SHBG: variants seen among roughly 807,000 people sequenced by gnomAD.
SHBG encodes the protein sex hormone binding globulin, also known as sex hormone-binding globulin.
In SHBG, 37 loss-of-function variants were observed where a neutral mutation model predicts 41.9. The observed-to-expected ratio is 0.88, with a 90% CI of 0.68 to 1.16. SHBG has a LOEUF of 1.16. Ranked by LOEUF, SHBG falls within the 50% of genes most tolerant of loss-of-function variation. The pLI, the probability that SHBG is intolerant of heterozygous loss-of-function variation, is 0.00. For missense variants in SHBG, 466 were observed against 499.9 expected (o/e 0.93, Z 0.65); for synonymous variants, 217 against 205.8 (o/e 1.05, Z -0.47).
At chr17:7,625,604 CTG>C (rs1290589575), upstream of SHBG, among the ~76,000 whole-genome samples, 4 of 148,252 alleles carry the variant, frequency 2.7e-5, no homozygotes. Context: ...AAAGAAAAGA[CTG>C]TGGGCTGGGC....
At position 7,632,021 on chromosome 17, in the gene SHBG, G is replaced by C. The variant is rs1165146857; in HGVS notation, c.852+6G>C. 2 of 1,612,766 alleles carry C rather than the reference G, an allele frequency of 1.2e-6. No homozygotes were observed. The highest frequency in any genetic ancestry group is 1.7e-6 in the Non-Finnish European group (2 of 1,179,950). On this transcript the variant is annotated splice_donor_region_variant and intron_variant, in intron 6 of 7. Coordinates refer to ENST00000380450, the MANE Select transcript of SHBG (RefSeq NM_001040.5). ...GTCTCCACCTCCAAGATCAAGTAAAGGGGGACAGTGGGGCATTGCCTGTAT... is the reference window on the plus strand; with the variant it reads ...GTCTCCACCTCCAAGATCAAGTAAACGGGGACAGTGGGGCATTGCCTGTAT...
At chr17:7,614,598 C>T (rs2071926553) in intron 1 of SHBG, 1 of 1,051,060 alleles carries the variant, frequency 9.5e-7, no homozygotes, top group Non-Finnish European at 1.3e-6. Flanking sequence ...CGGGCCGGGC[C>T]AGGCCCCCGG....
upstream of SHBG, among the ~76,000 whole-genome samples, chr17:7,628,330 C>T (rs2072290989): frequency 6.6e-6 from 1 of 152,162 alleles, no homozygotes; most frequent in African/African-American, 2.4e-5. Flanking sequence ...GTGGCGCGAT[C>T]TCTGCTCACT....
At chr17:7,619,041 A>C (rs1476324959) in intron 1 of SHBG, among the ~76,000 whole-genome samples, 1 of 152,330 alleles carries the variant, frequency 6.6e-6, no homozygotes, top group East Asian at 1.9e-4. Context: ...TACAGGAAAG[A>C]AAAAGAATTG....
intron 1 of SHBG, among the ~76,000 whole-genome samples, chr17:7,619,049 T>C (rs1567758278): frequency 6.6e-6 from 1 of 152,126 alleles, no homozygotes; most frequent in South Asian, 2.1e-4. Context: ...AGAAAAAGAA[T>C]TGTAACTATC....
At chr17:7,631,092 C>T (rs2072393688) in intron 3 of SHBG, 108 bp from the exon 4 acceptor site, 1 of 1,196,016 alleles carries the variant, frequency 8.4e-7, no homozygotes, top group South Asian at 1.6e-5. Context: ...AGGATGCTAG[C>T]TGCTTCTTTA....
At chr17:7,626,934 GC>G, upstream of SHBG, 1 of 1,612,746 alleles carries the variant, frequency 6.2e-7, no homozygotes, top group Non-Finnish European at 8.5e-7. Flanking sequence ...CTCAGCTTCT[GC>G]CCAGTACCCC....
upstream of SHBG, chr17:7,626,326 C>A (rs939450125): frequency 2.4e-5 from 26 of 1,103,802 alleles, no homozygotes; most frequent in Non-Finnish European, 3.5e-5. Context: ...AGGATAGGCA[C>A]CCCTAACCCT....
chr17:7,625,805 C>A (rs1441022350), upstream of SHBG, among the ~76,000 whole-genome samples: 1 of 150,018 alleles, frequency 6.7e-6, no homozygotes, highest in Non-Finnish European at 1.5e-5. Context: ...GCAGGAGAAT[C>A]ACTTGAACCC....
chr17:7,631,463 G>A lies in SHBG; in HGVS notation c.555+102G>A, dbSNP rs1387658691. The A allele has an allele frequency of 4.5e-6, 7 of 1,566,154 alleles. No individual in the cohort carries two copies. The African/African-American group carries it at 6.8e-5, about 15-fold the overall frequency. On this transcript the variant is annotated intron_variant, in intron 4 of 7. Transcript: ENST00000380450. ...GTCCACACTTTTAGGGAGAAGGGAA[G>A]GGTTGAGAGCTGCAAGGGGGAGGCC...
At chr17:7,614,104 G>C (rs189746071) in exon 1 of SHBG, 1 of 527,426 alleles carries the variant, frequency 1.9e-6, no homozygotes, top group Non-Finnish European at 3.6e-6. Context: ...ATGTGATTAA[G>C]GTCTAAGGTA....
chr17:7,619,388 C>T (rs541962429), intron 1 of SHBG, among the ~76,000 whole-genome samples: 9 of 135,158 alleles, frequency 6.7e-5, no homozygotes, highest in African/African-American at 1.8e-4. Flanking sequence ...GAAACTCCAT[C>T]TCAAAAAAAA....
Position 7,632,878 on chromosome 17 carries a change from G to A in SHBG, c.979G>A (p.Ala327Thr), listed in dbSNP as rs2072464476. 6.2e-7 allele frequency: 1 copy of A among 1,614,164 alleles called. No individual in the cohort carries two copies. The highest frequency in any genetic ancestry group is 1.3e-5 in the African/African-American group (1 of 75,036). Residue 327 changes from alanine (A) to threonine (T), a missense_variant, in exon 7 of 8, where the codon GCC becomes ACC. Coordinates refer to ENST00000380450, the MANE Select transcript of SHBG (RefSeq NM_001040.5). Reference sequence around the variant, plus strand: ...CCAAGGGTCGAAGATGAAGGCCCTTGCCCTGCCTCCCTTAGGCCTGGCTCC... The same window carrying A: ...CCAAGGGTCGAAGATGAAGGCCCTTACCCTGCCTCCCTTAGGCCTGGCTCC... Reference protein sequence around the residue: ...LSQGSKMKALALPPLGLAPLL... With the variant: ...LSQGSKMKALTLPPLGLAPLL...
At chr17:7,619,282 C>T (rs143700029) in intron 1 of SHBG, among the ~76,000 whole-genome samples, 2,433 of 150,846 alleles carry the variant, frequency 0.016, 73 homozygotes, top group African/African-American at 0.056. Context: ...CCCAGCTACT[C>T]GGGAGGCTGA....
rs761999075 is a variant in SHBG at position 7,630,710 on chromosome 17, G to A, written c.234G>A (p.Trp78Ter). 1 of 1,614,072 alleles carries A rather than the reference G, an allele frequency of 6.2e-7. No individual in the cohort carries two copies. The highest frequency in any genetic ancestry group is 1.3e-5 in the African/African-American group (1 of 75,012). ...KTSSSFEVRTWDPEGVIFYGD... is the reference protein window; with the variant it reads ...KTSSSFEVRT ...CCTCCTCCTTTGAGGTTCGAACCTG[G>A]GACCCAGAGGGAGTGATTTTTTATG... is the stretch of plus-strand genomic sequence containing the variant. The change falls in exon 3 of 8, where the codon TGG (tryptophan) becomes TGA (stop). Residue 78 changes from tryptophan to a stop codon, truncating the protein, a stop_gained. Coordinates refer to ENST00000380450, the MANE Select transcript of SHBG (RefSeq NM_001040.5). LOFTEE classifies it high-confidence loss of function. This position sits in a 1 kb window ranked among gnomAD's most constrained non-coding sequence, Gnocchi z 4.6.
intron 1 of SHBG, among the ~76,000 whole-genome samples, chr17:7,620,890 C>G (rs2072080574): frequency 6.6e-6 from 1 of 151,886 alleles, no homozygotes; most frequent in Non-Finnish European, 1.5e-5. Flanking sequence ...CTCGGCCTCC[C>G]AGAGTGCTAG....
chr17:7,627,505 G>A (rs1464935993), upstream of SHBG: 9 of 837,570 alleles, frequency 1.1e-5, no homozygotes, highest in African/African-American at 1.8e-5. The surrounding 1 kb of genome is among the most constrained non-coding windows in gnomAD (Gnocchi z 4.8). Context: ...CCCTGCCCCC[G>A]CCTCCTACGA....
At chr17:7,616,432 C>T (rs1469403150) in intron 1 of SHBG, among the ~76,000 whole-genome samples, 4 of 130,516 alleles carry the variant, frequency 3.1e-5, no homozygotes, top group Non-Finnish European at 4.8e-5. Flanking sequence ...ACGGTGAAAC[C>T]CCATCTCAAC....
Position 7,633,223 on chromosome 17 carries a change from T to C in SHBG, c.1080T>C (p.Ser360=), listed in dbSNP as rs925994342. The change falls in exon 8 of 8, where the codon TCT becomes TCC. Residue 360 remains serine (S), a synonymous_variant. Transcript: ENST00000380450. ...GALPGEDSST[S]FCLNGLWAQG... The stretch of plus-strand genomic sequence containing the variant: ...CTCTAGGAGAAGACTCTTCCACCTC[T>C]TTTTGCCTGAATGGCCTTTGGGCAC... 1 of 1,614,108 alleles carries C rather than the reference T, an allele frequency of 6.2e-7. No individual in the cohort carries two copies. The highest frequency in any genetic ancestry group is 8.5e-7 in the Non-Finnish European group (1 of 1,179,988).
Sources: gnomAD v4.1 joint callset for allele counts (sites outside exome capture counted in the v4.1 genomes callset) on GRCh38, gnomAD v4.1.1 for gene constraint, Gnocchi (gnomAD v3.1) non-coding constraint, MANE v1.5 for transcripts, NCBI Gene and HGNC (gene_info 2026-07-23, HGNC 2026-07-21) for gene names.